The following CREM variants were observed in gnomAD, a reference collection of about 807,000 sequenced individuals.
CREM encodes the protein cAMP-responsive element modulator.
In CREM, 13 loss-of-function variants were observed where a neutral mutation model predicts 37.3. The observed-to-expected ratio is 0.35, with a 90% CI of 0.23 to 0.55. The LOEUF is 0.55. Ranked by LOEUF, CREM falls within the 20% of genes least tolerant of loss-of-function variation. The probability of loss-of-function intolerance (pLI) is 0.88; values close to 1 mark genes in which losing one functional copy is unlikely to be tolerated. For synonymous variants in CREM, 124 were observed against 120.2 expected (o/e 1.03, Z -0.21); for missense variants, 296 against 362.3 (o/e 0.82, Z 1.49).
At position 35,211,449 on chromosome 10, in the gene CREM, A is replaced by C; in HGVS notation, c.*51A>C. 6.3e-7 allele frequency: 1 copy of C among 1,583,742 alleles called. No individual in the cohort carries two copies. The highest frequency in any genetic ancestry group is 8.6e-7 in the Non-Finnish European group (1 of 1,164,398). On this transcript the variant is annotated 3_prime_UTR_variant, in exon 8 of 8. Coordinates refer to ENST00000685392, the MANE Select transcript of CREM (RefSeq NM_183011.2). ...CTCTAATCAAGGCAGGAGATGCAGC[A>C]GTCCTACTTATTGCCATGTGGACTT...
chr10:35,155,136 A>G (rs927027268), intron 3 of CREM, among the ~76,000 whole-genome samples: 33 of 152,342 alleles, frequency 2.2e-4, no homozygotes, highest in African/African-American at 7.9e-4. Flanking sequence ...ATAAAAATGC[A>G]TACAAATTTA....
intron 5 of CREM, among the ~76,000 whole-genome samples, chr10:35,183,586 C>G (rs912127029): frequency 1.3e-5 from 2 of 152,178 alleles, no homozygotes; most frequent in African/African-American, 4.8e-5. Context: ...TAGGTGCTCT[C>G]TTATGGTCAC....
intron 5 of CREM, among the ~76,000 whole-genome samples, chr10:35,185,560 A>AT (rs2094523531): frequency 6.6e-6 from 1 of 152,258 alleles, no homozygotes; most frequent in African/African-American, 2.4e-5. Flanking sequence ...ACAAGGGGCC[A>AT]AGAAAGCAGT....
chr10:35,197,451 T>TA, intron 6 of CREM, among the ~76,000 whole-genome samples: 1 of 150,298 alleles, frequency 6.7e-6, no homozygotes, highest in East Asian at 1.9e-4. Flanking sequence ...TTTATTTATT[T>TA]ATTTATTTAT....
chr10:35,137,056 CT>C (rs1266289609), intron 1 of CREM, among the ~76,000 whole-genome samples: 1 of 152,176 alleles, frequency 6.6e-6, no homozygotes, highest in Non-Finnish European at 1.5e-5. Context: ...TCAAGCAAAC[CT>C]GCTACCTCAG....
chr10:35,197,914 A>G (rs954274712), intron 6 of CREM, among the ~76,000 whole-genome samples: 1 of 152,194 alleles, frequency 6.6e-6, no homozygotes, highest in Non-Finnish European at 1.5e-5. Flanking sequence ...AGTGGCTTGC[A>G]AACTTTTCAA....
chr10:35,158,823 T>G (rs1000322880), intron 3 of CREM, among the ~76,000 whole-genome samples: 11 of 143,660 alleles, frequency 7.7e-5, no homozygotes, highest in African/African-American at 2.8e-4. Flanking sequence ...TTTTGTTTGT[T>G]TTTTTTTTTT....
At chr10:35,203,043 T>C (rs1162415839) in intron 6 of CREM, among the ~76,000 whole-genome samples, 3 of 152,200 alleles carry the variant, frequency 2.0e-5, no homozygotes, top group African/African-American at 7.2e-5. Context: ...ATGAACGTCT[T>C]TTTTTGCTTT....
At chr10:35,154,403 G>T (rs184124324) in intron 3 of CREM, 159 of 237,902 alleles carry the variant, frequency 6.7e-4, no homozygotes, top group African/African-American at 3.4e-3. Flanking sequence ...ATGTTAGGTT[G>T]ATTTCATATA....
chr10:35,143,407 G>A (rs1294887620), intron 2 of CREM, among the ~76,000 whole-genome samples: 2 of 152,180 alleles, frequency 1.3e-5, no homozygotes, highest in Non-Finnish European at 2.9e-5. Context: ...GAGTGGTCAA[G>A]GGAGAGGGTA....
At chr10:35,128,716 G>C (rs558427772) in intron 1 of CREM, among the ~76,000 whole-genome samples, 1 of 151,906 alleles carries the variant, frequency 6.6e-6, no homozygotes, top group Admixed American at 6.6e-5. Flanking sequence ...TAGTAGAAAC[G>C]GGGTTTCACA....
chr10:35,185,287 A>G (rs1003103132), intron 5 of CREM, among the ~76,000 whole-genome samples: 1 of 151,970 alleles, frequency 6.6e-6, no homozygotes, highest in Non-Finnish European at 1.5e-5. Flanking sequence ...TATTTTTAGT[A>G]GGGACGGGGT....
chr10:35,157,012 C>T (rs981494880), intron 3 of CREM, among the ~76,000 whole-genome samples: 1 of 151,980 alleles, frequency 6.6e-6, no homozygotes, highest in Non-Finnish European at 1.5e-5. Flanking sequence ...ACTAGCAAAC[C>T]AAATTCAACA....
intron 3 of CREM, chr10:35,167,885 C>T (rs1316446237): frequency 8.0e-7 from 1 of 1,245,696 alleles, no homozygotes; most frequent in Non-Finnish European, 1.2e-6. Context: ...TATAAAATAA[C>T]ATCCATTTTA....
intron 3 of CREM, among the ~76,000 whole-genome samples, chr10:35,172,282 G>A (rs2093856646): frequency 6.6e-6 from 1 of 152,180 alleles, no homozygotes; most frequent in African/African-American, 2.4e-5. Flanking sequence ...AGTTCTTTAA[G>A]CTGAAAGCCA....
chr10:35,190,897 C>T (rs2094885138), intron 6 of CREM, among the ~76,000 whole-genome samples: 1 of 152,046 alleles, frequency 6.6e-6, no homozygotes, highest in South Asian at 2.1e-4. Context: ...CTCCTGACCT[C>T]ATGATCCGCC....
chr10:35,156,263 T>G lies in CREM; in HGVS notation c.168+7772T>G, dbSNP rs1277253019. Among the ~76,000 whole-genome samples the G allele has an allele frequency of 4.6e-5, 7 of 151,086 alleles. No individual in the cohort carries two copies. In the East Asian group the frequency reaches 1.2e-3, roughly 25 times the overall value. On this transcript the variant is annotated intron_variant, in intron 3 of 7. Transcript: ENST00000685392. ...CACCTCTTTTCTTTTCTTTTTTTTT[T>G]TAAGAAACAGAGTCTCACTCTGTCA...
chr10:35,188,463 GT>G lies in CREM; in HGVS notation c.598+81del, dbSNP rs1361342637. On this transcript the variant is annotated intron_variant, in intron 6 of 7. Coordinates refer to ENST00000685392, the MANE Select transcript of CREM (RefSeq NM_183011.2). ...CACACCATTGAGTGGTGATTTTATAGTTTTTTGAAATAGATCGAAGGTAGAT... is the reference window on the plus strand; with the variant it reads ...CACACCATTGAGTGGTGATTTTATAGTTTTTGAAATAGATCGAAGGTAGAT... The G allele has an allele frequency of 4.3e-5, 57 of 1,335,724 alleles. No individual in the cohort carries two copies. The East Asian group carries it at 1.5e-3, about 35-fold the overall frequency. The allele number at this position is 1,335,724 out of a possible 1,614,324, so 82.7% of individuals were successfully genotyped here.
In CREM at chr10:35,157,669, C is replaced by A. The variant is rs1020842850; in HGVS notation, c.168+9178C>A. On this transcript the variant is annotated intron_variant, in intron 3 of 7. Transcript: ENST00000685392. ...AAAAAAAAAAAAAGTCACAGATGCC[C>A]ATTTTTGCCACTTCTATTTAGCATT... Among the ~76,000 whole-genome samples, 20 of 150,520 alleles carry A rather than the reference C, an allele frequency of 1.3e-4. No individual in the cohort carries two copies. The East Asian group carries it at 2.9e-3, about 22-fold the overall frequency.
Sources: allele counts gnomAD v4.1 joint callset (sites outside exome capture counted in the v4.1 genomes callset), GRCh38; gene constraint gnomAD v4.1.1; transcripts MANE v1.5; gene names NCBI Gene and HGNC (gene_info 2026-07-23, HGNC 2026-07-21).